Variants in TTLL11 observed in about 807,000 individuals in gnomAD.
TTLL11 encodes the protein tubulin tyrosine ligase like 11, also known as tubulin polyglutamylase TTLL11.
Under a neutral mutation model 51.7 loss-of-function variants are expected in TTLL11, and 42 were observed. The ratio of observed to expected loss-of-function variants is 0.81; its 90% CI spans 0.64 to 1.05. The LOEUF (loss-of-function observed/expected upper bound fraction) is 1.05, where lower values mean the gene tolerates loss of function less well. TTLL11 is among the 50% of genes least tolerant of loss of function. The probability of loss-of-function intolerance (pLI) is 0.00; values close to 1 mark genes in which losing one functional copy is unlikely to be tolerated. For missense variants in TTLL11, 799 were observed against 940.4 expected (o/e 0.85, Z 1.97); for synonymous variants, 381 against 383.5 (o/e 0.99, Z 0.08).
At chr9:122,085,643 G>GA (rs1846104929) in intron 1 of TTLL11, among the ~76,000 whole-genome samples, 1 of 152,048 alleles carries the variant, frequency 6.6e-6, no homozygotes, top group African/African-American at 2.4e-5. Flanking sequence ...CCCTGTTTAA[G>GA]AAAAAATAGA....
intron 8 of TTLL11, among the ~76,000 whole-genome samples, chr9:121,843,161 C>A (rs1405350851): frequency 1.3e-5 from 2 of 151,778 alleles, no homozygotes; most frequent in Admixed American, 6.6e-5. Context: ...CATAGTGAGA[C>A]CCCCATCTTT....
intron 6 of TTLL11, among the ~76,000 whole-genome samples, chr9:121,962,898 A>C (rs1250871257): frequency 6.6e-6 from 1 of 152,214 alleles, no homozygotes; most frequent in Non-Finnish European, 1.5e-5. Context: ...CCCTGCCCCA[A>C]AGTTTACAGA....
intron 6 of TTLL11, among the ~76,000 whole-genome samples, chr9:121,912,737 T>C (rs932936223): frequency 6.6e-6 from 1 of 151,958 alleles, no homozygotes; most frequent in Non-Finnish European, 1.5e-5. Flanking sequence ...ATTCAACACA[T>C]ACATGATATC....
intron 1 of TTLL11, among the ~76,000 whole-genome samples, chr9:122,072,292 C>T (rs1845750100): frequency 6.6e-6 from 1 of 152,138 alleles, no homozygotes; most frequent in Admixed American, 6.5e-5. Flanking sequence ...CTCCTGCATA[C>T]CTCTCTGATC....
intron 6 of TTLL11, among the ~76,000 whole-genome samples, chr9:121,918,600 CATCATTAGAGAT>C (rs1181852187): frequency 1.3e-5 from 2 of 152,144 alleles, no homozygotes; most frequent in African/African-American, 2.4e-5. Context: ...AGTGGGGAGG[CATCATTAGAGAT>C]AAATTTAAAA....
chr9:122,090,676 T>C (rs1846235332), intron 1 of TTLL11, among the ~76,000 whole-genome samples: 1 of 152,212 alleles, frequency 6.6e-6, no homozygotes, highest in Middle Eastern at 3.4e-3. Flanking sequence ...TTGAGCAACT[T>C]CTGTGTGCCA....
intron 7 of TTLL11, among the ~76,000 whole-genome samples, chr9:121,863,100 C>T (rs1231300658): frequency 2.0e-5 from 3 of 152,186 alleles, no homozygotes; most frequent in African/African-American, 7.2e-5. Context: ...CATCCTGCTT[C>T]CTCCTGGGCT....
chr9:121,910,841 A>C (rs748140770), intron 6 of TTLL11, among the ~76,000 whole-genome samples: 16 of 152,248 alleles, frequency 1.1e-4, no homozygotes, highest in Non-Finnish European at 1.5e-4. Context: ...TTGCAATAAC[A>C]AAAAGGCAAG....
Position 121,989,039 on chromosome 9 carries a change from A to G in TTLL11, c.1269+156T>C. 6.7e-7 allele frequency: 1 copy of G among 1,496,482 alleles called. No individual in the cohort carries two copies. Among genetic ancestry groups the G allele is most frequent in the Non-Finnish European group, 8.9e-7 (1 of 1,123,012 alleles). 92.7% of individuals were successfully genotyped at this position (1,496,482 alleles called of 1,614,324 possible). A position where few individuals can be genotyped will look rare whatever the true frequency, so the allele number is the denominator to read the frequency against. ...ACAGGGAGCAAACAGAAAGCTTGGAAGTTGGGCCCAGGTTTAACACCCAAG... is the reference window on the plus strand; with the variant it reads ...ACAGGGAGCAAACAGAAAGCTTGGAGGTTGGGCCCAGGTTTAACACCCAAG... On this transcript the variant is annotated intron_variant, in intron 4 of 8. Coordinates refer to ENST00000321582, the MANE Select transcript of TTLL11 (RefSeq NM_001139442.2). This position sits in a 1 kb window ranked among gnomAD's most constrained non-coding sequence, Gnocchi z 4.2.
At chr9:122,006,169 T>C (rs1843636468) in intron 3 of TTLL11, among the ~76,000 whole-genome samples, 2 of 151,820 alleles carry the variant, frequency 1.3e-5, no homozygotes, top group African/African-American at 2.4e-5. Context: ...GTGAAACCCC[T>C]GTCTCTACTA....
intron 1 of TTLL11, among the ~76,000 whole-genome samples, chr9:122,086,974 C>T (rs996041861): frequency 2.6e-5 from 4 of 152,190 alleles, no homozygotes; most frequent in African/African-American, 9.7e-5. Flanking sequence ...AGAATAACTC[C>T]TTGCAGAATG....
chr9:122,057,508 G>T (rs1845322467), intron 1 of TTLL11, among the ~76,000 whole-genome samples: 1 of 151,806 alleles, frequency 6.6e-6, no homozygotes, highest in African/African-American at 2.4e-5. Context: ...GTTATTTTTG[G>T]TAGAGACGGG....
intron 3 of TTLL11, among the ~76,000 whole-genome samples, chr9:122,003,912 T>C (rs1180574564): frequency 1.3e-5 from 2 of 150,734 alleles, no homozygotes; most frequent in African/African-American, 2.4e-5. Flanking sequence ...GGTCAGGAGT[T>C]TGAGACTCCT....
chr9:121,826,557 G>GTGTGTGTATATATATATATATATA, intron 8 of TTLL11, among the ~76,000 whole-genome samples: 2 of 51,342 alleles, frequency 3.9e-5, no homozygotes, highest in African/African-American at 1.4e-4. Flanking sequence ...ATATGTGTGT[G>GTGTGTGTATATATATATATATATA]TATATATATA....
At chr9:122,001,098 T>C (rs1423568131) in intron 3 of TTLL11, among the ~76,000 whole-genome samples, 1 of 152,182 alleles carries the variant, frequency 6.6e-6, no homozygotes, top group Non-Finnish European at 1.5e-5. Flanking sequence ...ACACTGTTTT[T>C]TGGTTTTTGT....
intron 1 of TTLL11, among the ~76,000 whole-genome samples, chr9:122,048,954 G>A (rs1845088535): frequency 6.6e-6 from 1 of 151,674 alleles, no homozygotes; most frequent in African/African-American, 2.4e-5. Flanking sequence ...TCAGCACCCT[G>A]TAGGCTTTGT....
chr9:121,956,368 G>A (rs991667974), intron 6 of TTLL11, among the ~76,000 whole-genome samples: 27 of 152,192 alleles, frequency 1.8e-4, no homozygotes, highest in African/African-American at 4.8e-4. Context: ...TAAGAAACCC[G>A]CATAGAAAGG....
At chr9:121,980,139 G>T (rs899588112) in intron 4 of TTLL11, among the ~76,000 whole-genome samples, 3 of 152,088 alleles carry the variant, frequency 2.0e-5, no homozygotes, top group Admixed American at 1.3e-4. Flanking sequence ...TACAGTGGGT[G>T]GAGGAGAGCA....
intron 1 of TTLL11, among the ~76,000 whole-genome samples, chr9:122,055,203 G>GGATAGATAAATA (rs1845258740): frequency 6.9e-6 from 1 of 144,652 alleles, no homozygotes; most frequent in Admixed American, 7.0e-5. Flanking sequence ...AGGACTAATA[G>GGATAGATAAATA]GATAGATAGA....
Sources: gnomAD v4.1 joint callset for allele counts (sites outside exome capture counted in the v4.1 genomes callset) on GRCh38, gnomAD v4.1.1 for gene constraint, Gnocchi (gnomAD v3.1) non-coding constraint, MANE v1.5 for transcripts, NCBI Gene and HGNC (gene_info 2026-07-23, HGNC 2026-07-21) for gene names.